Variants in HAUS6 observed in about 807,000 individuals in gnomAD.
HAUS6 encodes HAUS augmin like complex subunit 6.
Under a neutral mutation model 106.8 loss-of-function variants are expected in HAUS6, and 80 were observed. The ratio of observed to expected loss-of-function variants is 0.75; its 90% CI spans 0.63 to 0.90. HAUS6 has a LOEUF of 0.90. Ranked by LOEUF, HAUS6 falls within the 40% of genes least tolerant of loss-of-function variation. HAUS6 has a pLI of 0.00. For synonymous variants in HAUS6, 356 were observed against 379.1 expected, an observed-to-expected ratio of 0.94 and a Z score of 0.71; for missense variants, 1,155 against 1,118.1, an observed-to-expected ratio of 1.03 and a Z score of -0.47.
chr9:19,079,642 G>A (rs1254907371), intron 9 of HAUS6, among the ~76,000 whole-genome samples: 1 of 151,516 alleles, frequency 6.6e-6, no homozygotes, highest in Non-Finnish European at 1.5e-5. Context: ...ATTCTTTCTG[G>A]TTAATAAAAA....
intron 8 of HAUS6, 111 bp downstream of exon 8, chr9:19,082,755 AAAAAAAC>A (rs58842416): frequency 0.15 from 88,599 of 581,792 alleles, 8,429 homozygotes; most frequent in African/African-American, 0.43. Context: ...CTGTCTCAAA[AAAAAAAC>A]AAAAAACAAA....
chr9:19,078,220 A>T lies in HAUS6; in HGVS notation c.1147T>A (p.Phe383Ile). Residue 383 changes from phenylalanine (F) to isoleucine (I), a missense_variant, in exon 10 of 17, where the codon TTT (phenylalanine) becomes ATT (isoleucine). This residue lies in a region of HAUS6 where 761 missense variants were observed against 690.0 expected (regional missense o/e 1.10). Coordinates refer to ENST00000380502, the MANE Select transcript of HAUS6 (RefSeq NM_017645.5). ...AGACTGAAAGGAGACAAACCAAGAA[A>T]TTCTTTCCACTTTTTATGCCATTCT... ...QGEWHKKWKE[F>I]LGLSPFSLIK... 2 of 1,599,294 alleles carry T rather than the reference A, an allele frequency of 1.3e-6. No homozygotes were observed. Among genetic ancestry groups the T allele is most frequent in the South Asian group, 2.2e-5 (2 of 90,684 alleles).
At chr9:19,080,423 G>C (rs1381303204) in intron 9 of HAUS6, 56 bp downstream of exon 9, 1 of 1,127,684 alleles carries the variant, frequency 8.9e-7, no homozygotes, top group Non-Finnish European at 1.3e-6. Context: ...TACAAGTTTT[G>C]TTGAGAAAAC....
intron 12 of HAUS6, among the ~76,000 whole-genome samples, chr9:19,069,970 G>A (rs1331327010): frequency 2.0e-5 from 3 of 151,956 alleles, no homozygotes; most frequent in South Asian, 2.1e-4. Flanking sequence ...TGCTATGCCT[G>A]TACTGGTCTA....
At chr9:19,094,939 G>C (rs1208122821) in intron 2 of HAUS6, among the ~76,000 whole-genome samples, 2 of 151,964 alleles carry the variant, frequency 1.3e-5, no homozygotes, top group East Asian at 3.8e-4. Context: ...TATTAAATGA[G>C]GGAATGAACA....
intron 1 of HAUS6, among the ~76,000 whole-genome samples, chr9:19,098,245 C>T (rs931779093): frequency 6.6e-6 from 1 of 152,108 alleles, no homozygotes; most frequent in Non-Finnish European, 1.5e-5. Context: ...TGAGACCATC[C>T]TGGCCAACAT....
intron 11 of HAUS6, among the ~76,000 whole-genome samples, chr9:19,070,759 G>GT (rs1836866927): frequency 6.6e-6 from 1 of 152,186 alleles, no homozygotes; most frequent in South Asian, 2.1e-4. Flanking sequence ...ATGAAAGATG[G>GT]AAATGTTGCC....
intron 6 of HAUS6, 99 bp downstream of exon 6, chr9:19,086,987 ATATAT>A: frequency 1.5e-6 from 1 of 680,364 alleles, no homozygotes; most frequent in East Asian, 2.6e-5. Context: ...CTGGCTATTG[ATATAT>A]TATTTTAATT....
chr9:19,089,072 G>A (rs915184823), intron 5 of HAUS6, among the ~76,000 whole-genome samples: 25 of 152,128 alleles, frequency 1.6e-4, no homozygotes, highest in East Asian at 1.4e-3. Flanking sequence ...GTGAAACCCC[G>A]TCTCTATTAA....
chr9:19,092,916 C>CAAAAAAAAAAAAAAAAAAAAAA (rs71494998), intron 4 of HAUS6, among the ~76,000 whole-genome samples: 35 of 76,172 alleles, frequency 4.6e-4, no homozygotes, highest in Middle Eastern at 7.8e-3. Flanking sequence ...AACTGTGTCT[C>CAAAAAAAAAAAAAAAAAAAAAA]AAAAAAAAAA....
In HAUS6 at chr9:19,058,076, G is replaced by GCTTA; in HGVS notation, c.2690_2691insTAAG (p.Thr898LysfsTer6). Reference sequence around the variant, plus strand: ...ACCGTTTTCTTTCACCGATGGACGTGCGTAAAGATGGCTTTATATGCTCAG... The same window carrying GCTTA: ...ACCGTTTTCTTTCACCGATGGACGTGCTTACGTAAAGATGGCTTTATATGCTCAG... On this transcript the variant is annotated frameshift_variant, in exon 16 of 17. Transcript: ENST00000380502. LOFTEE classifies it high-confidence loss of function. 6.2e-7 allele frequency: 1 copy of GCTTA among 1,613,976 alleles called. No individual in the cohort carries two copies. The highest frequency in any genetic ancestry group is 1.1e-5 in the South Asian group (1 of 91,082).
chr9:19,070,078 ATCCTCTT>A, intron 12 of HAUS6, 134 bp downstream of exon 12: 1 of 608,484 alleles, frequency 1.6e-6, no homozygotes, highest in South Asian at 2.1e-5. Context: ...CGTTTTTACA[ATCCTCTT>A]GTAATACAGA....
At chr9:19,077,958 G>C (rs139320725) in intron 10 of HAUS6, among the ~76,000 whole-genome samples, 87 of 152,220 alleles carry the variant, frequency 5.7e-4, no homozygotes, top group African/African-American at 2.0e-3. Context: ...CTACTCAGAA[G>C]GCTGAGGTGG....
chr9:19,076,501 A>T (rs1373533377), intron 11 of HAUS6, 101 bp downstream of exon 11: 4 of 701,366 alleles, frequency 5.7e-6, no homozygotes, highest in Non-Finnish European at 1.0e-5. Flanking sequence ...CAATAAAAAA[A>T]AATGGAGGAA....
rs147573057 is a variant in HAUS6, at chr9:19,081,967, T to C, written c.870+906A>G. ...ATCTTTGTATCTCTCCAGTATATAATAGATGCTTGATGAATTGTGTTTTCT... is the reference window on the plus strand; with the variant it reads ...ATCTTTGTATCTCTCCAGTATATAACAGATGCTTGATGAATTGTGTTTTCT... On this transcript the variant is annotated intron_variant, in intron 8 of 16. Transcript: ENST00000380502. 4.2e-3 allele frequency among the ~76,000 whole-genome samples: 634 copies of C among 152,238 alleles called. 3 individuals are homozygous for C. The highest frequency in any genetic ancestry group is 0.015 in the African/African-American group (609 of 41,550).
chr9:19,092,646 A>G (rs1248013769), intron 4 of HAUS6, among the ~76,000 whole-genome samples: 1 of 137,536 alleles, frequency 7.3e-6, no homozygotes, highest in East Asian at 2.2e-4. Context: ...AAAAAAAGCC[A>G]GGCGCATTGG....
chr9:19,071,165 G>C (rs1307133102), intron 11 of HAUS6, among the ~76,000 whole-genome samples: 2 of 152,148 alleles, frequency 1.3e-5, no homozygotes, highest in African/African-American at 4.8e-5. Context: ...AAGAAGTAAG[G>C]ATTACAGAGG....
At chr9:19,067,023 G>C (rs1836772826) in intron 12 of HAUS6, among the ~76,000 whole-genome samples, 1 of 149,276 alleles carries the variant, frequency 6.7e-6, no homozygotes, top group African/African-American at 2.5e-5. Flanking sequence ...AAAAAAGCCA[G>C]CAATGAGATT....
chr9:19,078,904 C>A (rs1169621108), intron 9 of HAUS6, among the ~76,000 whole-genome samples: 1 of 147,878 alleles, frequency 6.8e-6, no homozygotes, highest in Non-Finnish European at 1.5e-5. Flanking sequence ...CCTATAATCC[C>A]AGAACTTTGG....
Sources: allele counts gnomAD v4.1 joint callset (sites outside exome capture counted in the v4.1 genomes callset), GRCh38; gene constraint gnomAD v4.1.1; regional missense constraint gnomAD v4.1.1; transcripts MANE v1.5; gene names NCBI Gene and HGNC (gene_info 2026-07-23, HGNC 2026-07-21).